ZC3H12C: variants seen among roughly 807,000 people sequenced by gnomAD.
ZC3H12C encodes the protein zinc finger CCCH-type containing 12C, also known as probable ribonuclease ZC3H12C.
In ZC3H12C, 20 loss-of-function variants were observed where a neutral mutation model predicts 76.3. The ratio of observed to expected loss-of-function variants is 0.26; its 90% CI spans 0.18 to 0.38. ZC3H12C has a LOEUF of 0.38. Among genes scored for constraint, ZC3H12C ranks in the 10% least tolerant of loss-of-function variants. The probability of loss-of-function intolerance (pLI) is 1.00; values close to 1 mark genes in which losing one functional copy is unlikely to be tolerated. For synonymous variants in ZC3H12C, 352 were observed against 399.6 expected (o/e 0.88, Z 1.42); for missense variants, 874 against 1,086.5 (o/e 0.80, Z 2.75).
chr11:110,126,854 A>G (rs1454956057), intron 1 of ZC3H12C, among the ~76,000 whole-genome samples: 1 of 152,022 alleles, frequency 6.6e-6, no homozygotes, highest in Non-Finnish European at 1.5e-5. Flanking sequence ...TACTTTTTCT[A>G]CCCCATATTA....
chr11:110,111,956 T>TGGACATGCACACGTGCAC (rs1861439100), intron 1 of ZC3H12C, among the ~76,000 whole-genome samples: 1 of 108,752 alleles, frequency 9.2e-6, no homozygotes, highest in Non-Finnish European at 1.9e-5. Context: ...TGCATGTGCA[T>TGGACATGCACACGTGCAC]GGTCATGCAC....
intron 1 of ZC3H12C, among the ~76,000 whole-genome samples, chr11:110,107,323 A>G (rs1861347706): frequency 6.6e-6 from 1 of 152,226 alleles, no homozygotes; most frequent in South Asian, 2.1e-4. Flanking sequence ...TATCTATAAA[A>G]TATGAGTAAA....
intron 1 of ZC3H12C, among the ~76,000 whole-genome samples, chr11:110,101,040 A>C (rs1488765583): frequency 6.6e-6 from 1 of 152,186 alleles, no homozygotes; most frequent in African/African-American, 2.4e-5. Flanking sequence ...AAAGAAAGGG[A>C]AACAGCCTTA....
In ZC3H12C at chr11:110,152,953, A is replaced by C. The variant is rs781159131; in HGVS notation, c.808A>C (p.Ile270Leu). ...CAAAGAAGTATTTTCCTGCAGAGGA[A>C]TAAAATTGGCAGTGGATTGGTTTTT... The part of the protein sequence containing the change: ...GNKEVFSCRG[I>L]KLAVDWFLER... Residue 270 changes from isoleucine (I) to leucine (L), a missense_variant, in exon 3 of 6, where the codon ATA becomes CTA. Around this residue, in one of 3 missense-constraint regions of ZC3H12C, gnomAD observed 269 missense variants for 424.9 expected, o/e 0.63. Transcript: ENST00000278590. The C allele has an allele frequency of 1.9e-6, 3 of 1,612,642 alleles. No homozygotes were observed. The African/African-American group carries it at 4.0e-5, about 22-fold the overall frequency.
chr11:110,165,825 T>C lies in ZC3H12C; in HGVS notation c.*88T>C. 7.9e-7 allele frequency: 1 copy of C among 1,267,454 alleles called. No individual in the cohort carries two copies. Among genetic ancestry groups the C allele is most frequent in the Non-Finnish European group, 1.1e-6 (1 of 928,906 alleles). 78.5% of individuals were successfully genotyped at this position (1,267,454 alleles called of 1,614,324 possible). ...TGCTACAATAGCACATGTGATCTCC[T>C]TCTCAGCAAGGAGGTTATATAGTAT... On this transcript the variant is annotated 3_prime_UTR_variant, in exon 6 of 6. Coordinates refer to ENST00000278590, the MANE Select transcript of ZC3H12C (RefSeq NM_033390.2).
At chr11:110,107,791 G>A (rs1861358316) in intron 1 of ZC3H12C, among the ~76,000 whole-genome samples, 1 of 152,096 alleles carries the variant, frequency 6.6e-6, no homozygotes, top group South Asian at 2.1e-4. Context: ...CTCTCAATAA[G>A]TGCTGGGATT....
intron 2 of ZC3H12C, among the ~76,000 whole-genome samples, chr11:110,139,961 T>G (rs1368078182): frequency 6.6e-6 from 1 of 151,536 alleles, no homozygotes; most frequent in Non-Finnish European, 1.5e-5. Flanking sequence ...ATCCAATGCT[T>G]TCTAGATTTT....
chr11:110,094,968 C>T (rs1861087116), intron 1 of ZC3H12C, among the ~76,000 whole-genome samples: 1 of 152,078 alleles, frequency 6.6e-6, no homozygotes, highest in South Asian at 2.1e-4. Flanking sequence ...AACATTATAA[C>T]CAAAGTAAAA....
chr11:110,164,975 G>C lies in ZC3H12C; in HGVS notation c.1890G>C (p.Gly630=), dbSNP rs761573114. 2.4e-5 allele frequency: 39 copies of C among 1,613,910 alleles called. No individual in the cohort carries two copies. Among genetic ancestry groups the C allele is most frequent in the Non-Finnish European group, 3.1e-5 (36 of 1,179,914 alleles). Residue 630 remains glycine, a synonymous_variant, in exon 6 of 6, where the codon GGG becomes GGC. Coordinates refer to ENST00000278590, the MANE Select transcript of ZC3H12C (RefSeq NM_033390.2). The surrounding 1 kb of genome is among the most constrained non-coding windows in gnomAD (Gnocchi z 5.7). The part of the protein sequence containing the change: ...SSVASDCSSE[G]SMSCGSSDSY... The stretch of plus-strand genomic sequence containing the variant: ...TAGCTTCTGACTGCAGCAGTGAAGG[G>C]AGCATGAGCTGTGGGAGCAGTGACT...
chr11:110,112,170 G>A (rs796840015), intron 1 of ZC3H12C, among the ~76,000 whole-genome samples: 2 of 152,084 alleles, frequency 1.3e-5, no homozygotes, highest in Non-Finnish European at 2.9e-5. Context: ...TGTAAGCATC[G>A]GAACACCTTC....
chr11:110,149,903 T>C (rs567711814), intron 2 of ZC3H12C, among the ~76,000 whole-genome samples: 1 of 152,304 alleles, frequency 6.6e-6, no homozygotes, highest in African/African-American at 2.4e-5. Context: ...CTTAATAGCA[T>C]GTAGTTCTAT....
chr11:110,129,567 A>T (rs1861822222), intron 1 of ZC3H12C, among the ~76,000 whole-genome samples: 1 of 152,114 alleles, frequency 6.6e-6, no homozygotes, highest in Non-Finnish European at 1.5e-5. Context: ...TGTTTTGGGT[A>T]CTTTTTATAT....
At chr11:110,136,632 G>T (rs765257532) in intron 1 of ZC3H12C, 31 bp from the exon 2 acceptor site, 1 of 1,587,336 alleles carries the variant, frequency 6.3e-7, no homozygotes, top group South Asian at 1.2e-5. Context: ...CCATAACTAT[G>T]AAATTCTAAA....
At chr11:110,149,640 T>G (rs904877190) in intron 2 of ZC3H12C, among the ~76,000 whole-genome samples, 2 of 152,236 alleles carry the variant, frequency 1.3e-5, no homozygotes, top group Non-Finnish European at 2.9e-5. Flanking sequence ...TTGCATTTCT[T>G]TACTATTGAA....
intron 2 of ZC3H12C, among the ~76,000 whole-genome samples, chr11:110,151,584 G>A (rs940162330): frequency 9.9e-5 from 15 of 152,158 alleles, no homozygotes; most frequent in Non-Finnish European, 1.9e-4. Context: ...ATTTTCTACA[G>A]TTTTTCAGAA....
At chr11:110,107,597 C>T (rs1216932607) in intron 1 of ZC3H12C, among the ~76,000 whole-genome samples, 1 of 151,954 alleles carries the variant, frequency 6.6e-6, no homozygotes, top group Non-Finnish European at 1.5e-5. Flanking sequence ...GCAATCTTGG[C>T]TCACTGCAAC....
chr11:110,122,935 A>G (rs1861676137), intron 1 of ZC3H12C, among the ~76,000 whole-genome samples: 1 of 152,224 alleles, frequency 6.6e-6, no homozygotes, highest in Non-Finnish European at 1.5e-5. Flanking sequence ...GGTGGGGTCT[A>G]TAGTGTGGAT....
At position 110,168,488 on chromosome 11, in the gene ZC3H12C, C is replaced by T. The variant is rs944527761; in HGVS notation, c.*2751C>T. ...GCCTTCATTTTAGCCAAAACTTTCT[C>T]TCTAACCAAATCTTTTACCAGACTT... On this transcript the variant is annotated 3_prime_UTR_variant, in exon 6 of 6. Coordinates refer to ENST00000278590, the MANE Select transcript of ZC3H12C (RefSeq NM_033390.2). The T allele has an allele frequency of 2.0e-5, 3 of 152,150 alleles. No homozygotes were observed. The highest frequency in any genetic ancestry group is 1.3e-4 in the Admixed American group (2 of 15,272). 9.4% of individuals were successfully genotyped at this position (152,150 alleles called of 1,614,324 possible).
intron 1 of ZC3H12C, among the ~76,000 whole-genome samples, chr11:110,133,548 C>T (rs933418128): frequency 1.3e-5 from 2 of 152,252 alleles, no homozygotes; most frequent in Non-Finnish European, 2.9e-5. Flanking sequence ...GTTAGGCTTA[C>T]ATTTATCCTT....
Sources: allele counts gnomAD v4.1 joint callset (sites outside exome capture counted in the v4.1 genomes callset), GRCh38; gene constraint gnomAD v4.1.1; regional missense constraint gnomAD v4.1.1; non-coding constraint Gnocchi (gnomAD v3.1); transcripts MANE v1.5; gene names NCBI Gene and HGNC (gene_info 2026-07-23, HGNC 2026-07-21).